Variants in FARP1 observed in about 807,000 individuals in gnomAD.
The protein encoded by FARP1 is FERM, ARH/RhoGEF and pleckstrin domain protein 1, also known as FERM, ARHGEF and pleckstrin domain-containing protein 1.
Under a neutral mutation model 128.8 loss-of-function variants are expected in FARP1, and 52 were observed. The ratio of observed to expected loss-of-function variants is 0.40; its 90% CI spans 0.32 to 0.51. FARP1 has a LOEUF of 0.51. Ranked by LOEUF, FARP1 falls within the 20% of genes least tolerant of loss-of-function variation. The pLI, the probability that FARP1 is intolerant of heterozygous loss-of-function variation, is 0.45. For missense variants in FARP1, 1,333 were observed against 1,367.9 expected (o/e 0.97, Z 0.40); for synonymous variants, 580 against 551.8 (o/e 1.05, Z -0.72).
chr13:98,387,385 TAAG>T (rs1323967172), intron 8 of FARP1, among the ~76,000 whole-genome samples: 2 of 152,180 alleles, frequency 1.3e-5, no homozygotes, highest in African/African-American at 4.8e-5. Context: ...TAAAAAGTAT[TAAG>T]AAGGAAAAGA....
At chr13:98,417,688 A>T (rs1891440289) in intron 16 of FARP1, among the ~76,000 whole-genome samples, 1 of 152,198 alleles carries the variant, frequency 6.6e-6, no homozygotes, top group South Asian at 2.1e-4. Flanking sequence ...TCTTTCAGGG[A>T]TGGGACACTC....
intron 1 of FARP1, among the ~76,000 whole-genome samples, chr13:98,203,341 C>T (rs1398337170): frequency 6.6e-6 from 1 of 152,204 alleles, no homozygotes; most frequent in East Asian, 1.9e-4. Context: ...CACCACGGTC[C>T]AGTTTCAGAA....
intron 2 of FARP1, among the ~76,000 whole-genome samples, chr13:98,214,742 T>C (rs9513373): frequency 0.017 from 2,651 of 152,342 alleles, 26 homozygotes; most frequent in Middle Eastern, 0.048. Flanking sequence ...GTGGAATTTG[T>C]ATCTTTCAAG....
chr13:98,378,386 G>T (rs1889682598), intron 6 of FARP1, among the ~76,000 whole-genome samples: 1 of 152,164 alleles, frequency 6.6e-6, no homozygotes, highest in Non-Finnish European at 1.5e-5. Flanking sequence ...CTGGACCCTA[G>T]ATATTTTAAT....
At chr13:98,248,429 G>T (rs1448478104) in intron 2 of FARP1, among the ~76,000 whole-genome samples, 1 of 152,108 alleles carries the variant, frequency 6.6e-6, no homozygotes, top group African/African-American at 2.4e-5. Context: ...ACATAATACA[G>T]TATCCTTTTA....
intron 2 of FARP1, among the ~76,000 whole-genome samples, chr13:98,316,292 C>A (rs1285790238): frequency 6.6e-6 from 1 of 152,198 alleles, no homozygotes; most frequent in African/African-American, 2.4e-5. Flanking sequence ...CCCTAGCCAA[C>A]AGGGGGTTCC....
At chr13:98,322,925 A>G (rs572110521) in intron 2 of FARP1, among the ~76,000 whole-genome samples, 3 of 152,300 alleles carry the variant, frequency 2.0e-5, no homozygotes, top group Admixed American at 2.0e-4. Context: ...GCTATTTGTC[A>G]TGGGAGAGGG....
At chr13:98,199,311 G>T (rs1879787675) in intron 1 of FARP1, among the ~76,000 whole-genome samples, 1 of 152,112 alleles carries the variant, frequency 6.6e-6, no homozygotes, top group Admixed American at 6.5e-5. Flanking sequence ...CCTATTGTCA[G>T]AAGTAAACAT....
At chr13:98,306,134 C>T (rs920842155) in intron 2 of FARP1, among the ~76,000 whole-genome samples, 7 of 152,198 alleles carry the variant, frequency 4.6e-5, no homozygotes, top group South Asian at 4.1e-4. Flanking sequence ...GCAACGTTTG[C>T]GCTTTATGCA....
chr13:98,165,214 C>A (rs1412474654), intron 1 of FARP1, among the ~76,000 whole-genome samples: 256 of 84,648 alleles, frequency 3.0e-3, no homozygotes, highest in Middle Eastern at 7.2e-3. Flanking sequence ...GACTCTGTCT[C>A]AAAAAAAAAA....
In FARP1 at chr13:98,357,906, C is replaced by G. The variant is rs150798569; in HGVS notation, c.277-7489C>G. 2.0e-5 allele frequency among the ~76,000 whole-genome samples: 3 copies of G among 152,234 alleles called. No individual in the cohort carries two copies. The East Asian group carries it at 5.8e-4, about 29-fold the overall frequency. ...TTTTTAAGACTTGTTAGCCTGGACA[C>G]TGTAGGGCATAGTCTGGGGTGAATT... On this transcript the variant is annotated intron_variant, in intron 3 of 26. Transcript: ENST00000319562.
chr13:98,261,012 G>A (rs1234027379), intron 2 of FARP1, among the ~76,000 whole-genome samples: 1 of 152,168 alleles, frequency 6.6e-6, no homozygotes. Flanking sequence ...CTCTGTGTAG[G>A]GGTGTGTATT....
At chr13:98,384,044 C>G (rs996824990) in intron 6 of FARP1, 1 of 152,086 alleles carries the variant, frequency 6.6e-6, no homozygotes, top group African/African-American at 2.4e-5. Flanking sequence ...TTTATAAAGT[C>G]CTGAAGTTTT....
intron 3 of FARP1, among the ~76,000 whole-genome samples, chr13:98,360,090 C>CTTTTTTTTT (rs55859311): frequency 9.6e-6 from 1 of 104,602 alleles, no homozygotes; most frequent in Non-Finnish European, 1.8e-5. Context: ...GATTGTGTTG[C>CTTTTTTTTT]TTTTTTTTTT....
At chr13:98,444,406 C>T (rs1003881076) in intron 24 of FARP1, among the ~76,000 whole-genome samples, 2 of 152,122 alleles carry the variant, frequency 1.3e-5, no homozygotes, top group South Asian at 2.1e-4. Flanking sequence ...CAATGAAGGG[C>T]CACGAGGAGA....
chr13:98,150,789 A>T (rs1875942280), intron 1 of FARP1, among the ~76,000 whole-genome samples: 1 of 152,214 alleles, frequency 6.6e-6, no homozygotes, highest in Admixed American at 6.5e-5. Flanking sequence ...TGCCTGCTTA[A>T]TTTGAAAATA....
chr13:98,441,167 C>T (rs905782227), intron 24 of FARP1, among the ~76,000 whole-genome samples: 2 of 152,202 alleles, frequency 1.3e-5, no homozygotes, highest in African/African-American at 2.4e-5. Context: ...ACACAGGGCC[C>T]AGGGCACAGC....
chr13:98,152,014 C>T (rs944125984), intron 1 of FARP1, among the ~76,000 whole-genome samples: 5 of 152,086 alleles, frequency 3.3e-5, no homozygotes, highest in South Asian at 4.2e-4. Context: ...TCCCGAAAAC[C>T]TCAAGGGGAC....
intron 16 of FARP1, among the ~76,000 whole-genome samples, chr13:98,417,391 T>A (rs1161159642): frequency 6.8e-6 from 1 of 147,070 alleles, no homozygotes; most frequent in East Asian, 2.0e-4. Context: ...GCAGCTTGCT[T>A]TCCATAAACG....
Sources: allele counts gnomAD v4.1 joint callset (sites outside exome capture counted in the v4.1 genomes callset), GRCh38; gene constraint gnomAD v4.1.1; transcripts MANE v1.5; gene names NCBI Gene and HGNC (gene_info 2026-07-23, HGNC 2026-07-21).